Variants in PTPRF observed in about 807,000 individuals in gnomAD.
The protein encoded by PTPRF is protein tyrosine phosphatase receptor type F.
PTPRF carries 59 observed loss-of-function variants against 201.8 expected under a neutral mutation model. The ratio of observed to expected loss-of-function variants is 0.29; its 90% CI spans 0.24 to 0.36. PTPRF has a LOEUF of 0.36. Among genes scored for constraint, PTPRF ranks in the 10% least tolerant of loss-of-function variants. The pLI, the probability that PTPRF is intolerant of heterozygous loss-of-function variation, is 1.00. For missense variants in PTPRF, 2,132 were observed against 2,690.5 expected (o/e 0.79, Z 4.59); for synonymous variants, 1,088 against 1,089.7 (o/e 1.00, Z 0.03).
At chr1:43,584,299 T>C (rs1648542721) in intron 7 of PTPRF, among the ~76,000 whole-genome samples, 1 of 152,196 alleles carries the variant, frequency 6.6e-6, no homozygotes, top group African/African-American at 2.4e-5. Context: ...ACATCCTCCG[T>C]GGCTTGAGTT....
chr1:43,552,097 C>T (rs1293452340), intron 3 of PTPRF, among the ~76,000 whole-genome samples: 2 of 137,916 alleles, frequency 1.5e-5, no homozygotes, highest in African/African-American at 5.5e-5. Context: ...CCTTTCATAT[C>T]TGTCTTCAAG....
intron 5 of PTPRF, among the ~76,000 whole-genome samples, chr1:43,564,378 C>T (rs749041913): frequency 9.9e-5 from 15 of 152,142 alleles, no homozygotes; most frequent in Non-Finnish European, 1.9e-4. Context: ...TACGAGGTTC[C>T]TTCATGTGTC....
intron 1 of PTPRF, among the ~76,000 whole-genome samples, chr1:43,531,644 G>T (rs1468895629): frequency 6.7e-6 from 1 of 149,928 alleles, no homozygotes; most frequent in Admixed American, 6.6e-5. Context: ...TGCGGTCCCG[G>T]GCTGCGCCGG....
At chr1:43,550,980 GA>G (rs1454457961) in intron 3 of PTPRF, among the ~76,000 whole-genome samples, 1 of 152,224 alleles carries the variant, frequency 6.6e-6, no homozygotes, top group Non-Finnish European at 1.5e-5. Flanking sequence ...GGGCTCTGGG[GA>G]GAGCAGCTGG....
chr1:43,590,077 A>G (rs1650262276), intron 8 of PTPRF, among the ~76,000 whole-genome samples: 1 of 152,122 alleles, frequency 6.6e-6, no homozygotes. Context: ...TCCCAGGGCC[A>G]CTGGCTTCCC....
At chr1:43,601,225 C>CATCT (rs1048892570) in intron 13 of PTPRF, among the ~76,000 whole-genome samples, 3 of 152,208 alleles carry the variant, frequency 2.0e-5, no homozygotes, top group Admixed American at 6.5e-5. Context: ...CATCCTGGAC[C>CATCT]ATCTCCCTGT....
intron 21 of PTPRF, among the ~76,000 whole-genome samples, chr1:43,607,495 C>A (rs1179341638): frequency 6.6e-6 from 1 of 152,188 alleles, no homozygotes. Context: ...TGTGTCTTTC[C>A]CACTCAGTTC....
intron 20 of PTPRF, 99 bp from the exon 21 acceptor site, chr1:43,606,715 G>C: frequency 6.6e-7 from 1 of 1,504,036 alleles, no homozygotes; most frequent in Non-Finnish European, 9.0e-7. Context: ...CCAGGCCCAG[G>C]GTAACCCAGA....
In PTPRF at chr1:43,606,863, C is replaced by A. The variant is rs1655244533; in HGVS notation, c.3752C>A (p.Thr1251Lys). The A allele has an allele frequency of 6.2e-7, 1 of 1,614,060 alleles. No homozygotes were observed. Among genetic ancestry groups the A allele is most frequent in the Non-Finnish European group, 8.5e-7 (1 of 1,180,048 alleles). The change falls in exon 21 of 34, where the codon ACA becomes AAA. Residue 1251 changes from threonine to lysine, a missense_variant. Around this residue, in one of 6 missense-constraint regions of PTPRF, gnomAD observed 818 missense variants for 915.3 expected, o/e 0.89. Transcript: ENST00000359947. ...PYSDEIVVQVTPAQQQEEPEM... is the reference protein window; with the variant it reads ...PYSDEIVVQVKPAQQQEEPEM... ...TCGGATGAGATCGTGGTCCAGGTGA[C>A]ACCAGCCCAGCAGCAGGAGGAGCCG...
At chr1:43,557,793 G>C (rs1243273023) in intron 5 of PTPRF, among the ~76,000 whole-genome samples, 1 of 152,148 alleles carries the variant, frequency 6.6e-6, no homozygotes, top group East Asian at 1.9e-4. Context: ...TCCGGGGAAG[G>C]GTGTGGAGCT....
chr1:43,622,032 C>A lies in PTPRF; in HGVS notation c.*29C>A. ...CCGCTCCCCTCTCCTCCGCCACCCC[C>A]GCCGTGGGGCTCCGGAGGGGACCCA... On this transcript the variant is annotated 3_prime_UTR_variant, in exon 34 of 34. Transcript: ENST00000359947. 1 of 1,609,574 alleles carries A rather than the reference C, an allele frequency of 6.2e-7. No individual in the cohort carries two copies. Among genetic ancestry groups the A allele is most frequent in the Non-Finnish European group, 8.5e-7 (1 of 1,176,150 alleles).
Position 43,617,515 on chromosome 1 carries a change from A to C in PTPRF, c.4142A>C (p.Tyr1381Ser). The change falls in exon 24 of 34, where the codon TAT becomes TCT. Residue 1381 changes from tyrosine to serine, a missense_variant. Physicochemically the swap from Tyr to Ser is moderately radical, Grantham distance 144. Transcript: ENST00000359947. ...NLEVNKPKNR[Y>S]ANVIAYDHSR... ...GAGGTGAACAAGCCCAAGAACCGCT[A>C]TGCGAATGTCATCGCCTACGACCAC... The C allele has an allele frequency of 6.2e-7, 1 of 1,614,148 alleles. No homozygotes were observed. The highest frequency in any genetic ancestry group is 1.1e-5 in the South Asian group (1 of 91,080).
In PTPRF at chr1:43,619,786, G is replaced by A. The variant is rs1444849774; in HGVS notation, c.5039G>A (p.Arg1680His). 6 of 1,614,116 alleles carry A rather than the reference G, an allele frequency of 3.7e-6. No homozygotes were observed. Among genetic ancestry groups the A allele is most frequent in the East Asian group, 2.2e-5 (1 of 44,900 alleles). The part of the protein sequence containing the change: ...LVNIMPYELT[R>H]VCLQPIRGVE... ...AACATCATGCCCTACGAATTGACCC[G>A]TGTGTGTCTGCAGCCCATCCGTGGT... The change falls in exon 29 of 34, where the codon CGT (arginine) becomes CAT (histidine). Residue 1680 changes from arginine (R) to histidine (H), a missense_variant. Arg to His is a conservative substitution (Grantham distance 29). Coordinates refer to ENST00000359947, the MANE Select transcript of PTPRF (RefSeq NM_002840.5).
chr1:43,615,740 T>TG (rs1557863808), intron 23 of PTPRF, among the ~76,000 whole-genome samples: 2 of 151,688 alleles, frequency 1.3e-5, no homozygotes, highest in African/African-American at 4.9e-5. Flanking sequence ...CTAATTTTTT[T>TG]TATTTTTAGT....
At chr1:43,533,545 C>T (rs977490165) in intron 1 of PTPRF, among the ~76,000 whole-genome samples, 1 of 152,150 alleles carries the variant, frequency 6.6e-6, no homozygotes, top group Non-Finnish European at 1.5e-5. Flanking sequence ...CACACCACGG[C>T]TCCTCCACTT....
Position 43,606,250 on chromosome 1 carries a change from C to A in PTPRF, c.3494C>A (p.Ala1165Asp). The change falls in exon 20 of 34, where the codon GCC becomes GAC. Residue 1165 changes from alanine to aspartate, a missense_variant. Coordinates refer to ENST00000359947, the MANE Select transcript of PTPRF (RefSeq NM_002840.5). ...GCTCTGCTCTGCCAGCTTCTAGAAG[C>A]CATCGAGCAAGGCGGAGAGGAGCAG... ...EELELDELLE[A>D]IEQGGEEQRR... 6.2e-7 allele frequency: 1 copy of A among 1,612,928 alleles called. No individual in the cohort carries two copies. The highest frequency in any genetic ancestry group is 8.5e-7 in the Non-Finnish European group (1 of 1,179,742).
At chr1:43,571,159 C>G (rs778694233) in intron 6 of PTPRF, among the ~76,000 whole-genome samples, 5 of 152,210 alleles carry the variant, frequency 3.3e-5, no homozygotes, top group Non-Finnish European at 7.3e-5. Flanking sequence ...GCCACTCAGG[C>G]CCCATCCTCC....
In PTPRF at chr1:43,591,323, G is replaced by T; in HGVS notation, c.1301G>T (p.Trp434Leu). 1 of 1,552,014 alleles carries T rather than the reference G, an allele frequency of 6.4e-7. No homozygotes were observed. Among genetic ancestry groups the T allele is most frequent in the East Asian group, 2.4e-5 (1 of 41,076 alleles). Residue 434 changes from tryptophan (W) to leucine (L), a missense_variant, in exon 9 of 34, where the codon TGG (tryptophan) becomes TTG (leucine). Trp to Leu is a moderately conservative substitution (Grantham distance 61). Transcript: ENST00000359947. ...AGCGCCAGCACCATGCTGGTGCAGT[G>T]GGAGCCTCCCGAGGAGCCCAACGGC... ...MLSASTMLVQ[W>L]EPPEEPNGLV...
At chr1:43,548,163 C>T (rs1174465428) in intron 3 of PTPRF, among the ~76,000 whole-genome samples, 1 of 151,658 alleles carries the variant, frequency 6.6e-6, no homozygotes, top group Admixed American at 6.6e-5. Context: ...GGAAGAAGCA[C>T]GAATGTGGCT....
Sources: allele counts gnomAD v4.1 joint callset (sites outside exome capture counted in the v4.1 genomes callset), GRCh38; gene constraint gnomAD v4.1.1; regional missense constraint gnomAD v4.1.1; transcripts MANE v1.5; gene names NCBI Gene and HGNC (gene_info 2026-07-23, HGNC 2026-07-21).